The following CSMD1 variants were observed in gnomAD, a reference collection of about 807,000 sequenced individuals.
CSMD1 encodes CUB and sushi domain-containing protein 1.
Under a neutral mutation model 417.5 loss-of-function variants are expected in CSMD1, and 213 were observed. The ratio of observed to expected loss-of-function variants is 0.51; its 90% confidence interval spans 0.46 to 0.57. The LOEUF (loss-of-function observed/expected upper bound fraction) is 0.57. Among genes scored for constraint, CSMD1 ranks in the 20% least tolerant of loss-of-function variants. CSMD1 has a pLI of 0.00. For synonymous variants in CSMD1, 2,862 were observed against 1,736.8 expected, an observed-to-expected ratio of 1.65 and a Z score of -16.11; for missense variants, 6,923 against 4,529.7, an observed-to-expected ratio of 1.53 and a Z score of -15.17.
At chr8:3,325,641 T>C (rs996378794) in intron 23 of CSMD1, among the ~76,000 whole-genome samples, 1 of 152,104 alleles carries the variant, frequency 6.6e-6, no homozygotes, top group Non-Finnish European at 1.5e-5. Context: ...CTGCTCAGCG[T>C]GGTGAAACCC....
chr8:3,972,149 G>A (rs991595807), intron 5 of CSMD1, among the ~76,000 whole-genome samples: 1 of 152,062 alleles, frequency 6.6e-6, no homozygotes, highest in African/African-American at 2.4e-5. Flanking sequence ...GGGATGACAG[G>A]TTGAACCCCT....
At chr8:3,210,035 C>T (rs1797513294) in intron 30 of CSMD1, among the ~76,000 whole-genome samples, 1 of 152,122 alleles carries the variant, frequency 6.6e-6, no homozygotes, top group African/African-American at 2.4e-5. Flanking sequence ...CCAGGAAAAA[C>T]ATTACCCCAC....
At position 4,687,904 on chromosome 8, in the gene CSMD1, G is replaced by A. The variant is rs538077758; in HGVS notation, c.86-50346C>T. Among the ~76,000 whole-genome samples the A allele has an allele frequency of 9.9e-5, 15 of 152,016 alleles. No individual in the cohort carries two copies. The South Asian group carries it at 2.5e-3, about 25-fold the overall frequency. On this transcript the variant is annotated intron_variant, in intron 1 of 69. Coordinates refer to ENST00000635120, the MANE Select transcript of CSMD1 (RefSeq NM_033225.6). Reference sequence around the variant, plus strand: ...TGTGTCAGGAGCCAATCTGGATAACGACATGTCATATGTGAATTGTGATGG... The same window carrying A: ...TGTGTCAGGAGCCAATCTGGATAACAACATGTCATATGTGAATTGTGATGG...
intron 3 of CSMD1, among the ~76,000 whole-genome samples, chr8:4,346,519 T>C (rs1435491373): frequency 9.2e-5 from 14 of 152,128 alleles, no homozygotes; most frequent in Non-Finnish European, 1.0e-4. Flanking sequence ...CTAAACTGAA[T>C]TAAAATCCAG....
rs75668381 is a variant in CSMD1, at chr8:4,150,814, G to A, written c.416-118715C>T. 8.8e-3 allele frequency among the ~76,000 whole-genome samples: 1,337 copies of A among 152,182 alleles called. 23 individuals are homozygous for A. Among genetic ancestry groups the A allele is most frequent in the African/African-American group, 0.031 (1,281 of 41,472 alleles). On this transcript the variant is annotated intron_variant, in intron 3 of 69. Transcript: ENST00000635120. The stretch of plus-strand genomic sequence containing the variant: ...GTTTGCGCACTTGCAGAGGTGTTGG[G>A]AGAAGACAGGGAGGGACAGAATAAC...
chr8:3,680,972 T>G (rs1362857928), intron 7 of CSMD1, among the ~76,000 whole-genome samples: 1 of 152,146 alleles, frequency 6.6e-6, no homozygotes, highest in African/African-American at 2.4e-5. Flanking sequence ...GAAAAAGCCT[T>G]TGACAAAATT....
intron 5 of CSMD1, among the ~76,000 whole-genome samples, chr8:3,997,448 C>T (rs1012033210): frequency 1.3e-5 from 2 of 152,152 alleles, no homozygotes; most frequent in African/African-American, 2.4e-5. Flanking sequence ...ACGGGCACTT[C>T]CCCACAGGTG....
intron 3 of CSMD1, among the ~76,000 whole-genome samples, chr8:4,233,009 T>G (rs1801835897): frequency 6.6e-6 from 1 of 152,170 alleles, no homozygotes; most frequent in Non-Finnish European, 1.5e-5. Context: ...CGTGGTGTCA[T>G]GTCTACATGC....
chr8:3,287,233 G>C (rs661447), intron 25 of CSMD1, among the ~76,000 whole-genome samples: 132,940 of 147,384 alleles, frequency 0.9, 60,483 homozygotes, highest in Middle Eastern at 0.95. Flanking sequence ...AGTCAGGTAG[G>C]GTGATGCCTC....
At chr8:4,920,437 C>T (rs565763586) in intron 1 of CSMD1, among the ~76,000 whole-genome samples, 64 of 152,296 alleles carry the variant, frequency 4.2e-4, no homozygotes, top group African/African-American at 1.5e-3. Flanking sequence ...CGTTTAATGA[C>T]ATTAGTTTTG....
chr8:4,813,397 C>CAAGCCCA (rs1799018090), intron 1 of CSMD1, among the ~76,000 whole-genome samples: 7 of 152,120 alleles, frequency 4.6e-5, no homozygotes, highest in Non-Finnish European at 7.4e-5. Flanking sequence ...CATCTTAAAA[C>CAAGCCCA]TTTAATTTTA....
At chr8:2,966,533 G>A in intron 58 of CSMD1, 37 bp downstream of exon 58, 2 of 1,573,580 alleles carry the variant, frequency 1.3e-6, no homozygotes, top group Non-Finnish European at 1.7e-6. Flanking sequence ...GAATTTCATA[G>A]TAACGTCTGA....
chr8:4,658,669 A>G (rs1804389468), intron 1 of CSMD1, among the ~76,000 whole-genome samples: 1 of 152,162 alleles, frequency 6.6e-6, no homozygotes, highest in African/African-American at 2.4e-5. Context: ...CCGTTAGAAA[A>G]ATTAAAAACT....
rs115701291 is a variant in CSMD1, at chr8:4,374,369, G to T, written c.415+45584C>A. The stretch of plus-strand genomic sequence containing the variant: ...TCAGAATCTGATTATAGGTGTCAGG[G>T]GATATCAGTAATAATAAAAAGAAAG... On this transcript the variant is annotated intron_variant, in intron 3 of 69. Coordinates refer to ENST00000635120, the MANE Select transcript of CSMD1 (RefSeq NM_033225.6). 7.6e-3 allele frequency among the ~76,000 whole-genome samples: 1,153 copies of T among 152,196 alleles called. 11 individuals carry two copies. Among genetic ancestry groups the T allele is most frequent in the African/African-American group, 0.026 (1,098 of 41,512 alleles).
intron 5 of CSMD1, among the ~76,000 whole-genome samples, chr8:3,789,751 GA>G (rs1554438065): frequency 1.9e-5 from 2 of 106,098 alleles, no homozygotes; most frequent in Non-Finnish European, 3.6e-5. Flanking sequence ...TTTTTTTTGA[GA>G]CACAGTTTCA....
At chr8:3,991,938 A>C (rs1022241029) in intron 5 of CSMD1, among the ~76,000 whole-genome samples, 4 of 152,144 alleles carry the variant, frequency 2.6e-5, no homozygotes, top group African/African-American at 9.7e-5. Flanking sequence ...TTTTCTTGTT[A>C]TATAACAAAC....
intron 1 of CSMD1, among the ~76,000 whole-genome samples, chr8:4,796,493 C>G (rs565045392): frequency 2.0e-5 from 3 of 151,976 alleles, no homozygotes; most frequent in Non-Finnish European, 4.4e-5. Flanking sequence ...GTTTTACCAC[C>G]GAGAATGGTC....
chr8:3,821,759 G>A (rs1447031581), intron 5 of CSMD1, among the ~76,000 whole-genome samples: 6 of 152,156 alleles, frequency 3.9e-5, no homozygotes, highest in Admixed American at 2.0e-4. Flanking sequence ...TCCAGCCTGG[G>A]TGACAGAGTG....
chr8:4,987,859 C>T (rs574911293), intron 1 of CSMD1, among the ~76,000 whole-genome samples: 22 of 152,292 alleles, frequency 1.4e-4, no homozygotes, highest in Non-Finnish European at 2.5e-4. Flanking sequence ...CCTCGAAAAT[C>T]GGACTCTAAG....
Sources: allele counts gnomAD v4.1 joint callset (sites outside exome capture counted in the v4.1 genomes callset), GRCh38; gene constraint gnomAD v4.1.1; transcripts MANE v1.5; gene names NCBI Gene and HGNC (gene_info 2026-07-23, HGNC 2026-07-21).